The following CCDC91 variants were observed in gnomAD, a reference collection of about 807,000 sequenced individuals.
CCDC91 encodes coiled-coil domain-containing protein 91.
In CCDC91, 48 loss-of-function variants were observed where a neutral mutation model predicts 63.2. The ratio of observed to expected loss-of-function variants is 0.76; its 90% CI spans 0.60 to 0.97. The LOEUF is 0.97. Among genes scored for constraint, CCDC91 ranks in the 50% least tolerant of loss-of-function variants. CCDC91 has a pLI of 0.00. For synonymous variants in CCDC91, 167 were observed against 165.8 expected, an observed-to-expected ratio of 1.01 and a Z score of -0.06; for missense variants, 500 against 494.6, an observed-to-expected ratio of 1.01 and a Z score of -0.10.
chr12:28,349,313 A>G (rs937444069), intron 6 of CCDC91, among the ~76,000 whole-genome samples: 9 of 152,092 alleles, frequency 5.9e-5, no homozygotes, highest in Non-Finnish European at 1.5e-5. Context: ...TTATTTAGGA[A>G]TAGGGCGCAA....
intron 3 of CCDC91, chr12:28,304,533 TATAAG>T (rs1417799531): frequency 7.2e-6 from 3 of 415,916 alleles, no homozygotes; most frequent in Non-Finnish European, 1.2e-5. Flanking sequence ...TAAAAGTGTG[TATAAG>T]ATAATTGAAT....
intron 1 of CCDC91, among the ~76,000 whole-genome samples, chr12:28,249,805 G>T (rs528604442): frequency 1.1e-4 from 17 of 151,660 alleles, no homozygotes; most frequent in Non-Finnish European, 1.9e-4. Context: ...ACAGGCCTGT[G>T]CTCTCTTTTA....
chr12:28,396,088 T>C (rs2139396384), intron 8 of CCDC91, among the ~76,000 whole-genome samples: 1 of 152,262 alleles, frequency 6.6e-6, no homozygotes, highest in South Asian at 2.1e-4. Flanking sequence ...CAAAACTACA[T>C]TCAAGGGCAT....
At chr12:28,328,263 C>T (rs1424838021) in intron 6 of CCDC91, among the ~76,000 whole-genome samples, 5 of 152,018 alleles carry the variant, frequency 3.3e-5, no homozygotes, top group Admixed American at 3.3e-4. Context: ...TTTCTGTGTG[C>T]TAAACATATT....
intron 1 of CCDC91, among the ~76,000 whole-genome samples, chr12:28,248,187 T>C (rs1448490351): frequency 6.6e-6 from 1 of 152,168 alleles, no homozygotes; most frequent in Non-Finnish European, 1.5e-5. Flanking sequence ...ATAGAGGTAG[T>C]GGCAATCACT....
chr12:28,259,265 T>C (rs1233281747), intron 2 of CCDC91, 99 bp from the exon 3 acceptor site: 2 of 810,176 alleles, frequency 2.5e-6, no homozygotes, highest in East Asian at 5.0e-5. Flanking sequence ...ATGTCTGGTG[T>C]GTTATAGAAG....
chr12:28,213,196 A>C (rs1943351561), intron 1 of CCDC91, among the ~76,000 whole-genome samples: 1 of 152,134 alleles, frequency 6.6e-6, no homozygotes, highest in Non-Finnish European at 1.5e-5. Context: ...TGCATTGCCC[A>C]AGCAAACTGT....
intron 1 of CCDC91, among the ~76,000 whole-genome samples, chr12:28,245,506 G>T (rs1222204456): frequency 3.9e-5 from 6 of 152,040 alleles, no homozygotes; most frequent in Admixed American, 2.0e-4. Context: ...AATAGATTAA[G>T]AATTTCTGTT....
chr12:28,392,828 T>C (rs1437959042), intron 8 of CCDC91, among the ~76,000 whole-genome samples: 1 of 152,228 alleles, frequency 6.6e-6, no homozygotes, highest in Middle Eastern at 3.2e-3. Context: ...CTCTCCATTA[T>C]CAGGTCCAGA....
Position 28,391,334 on chromosome 12 carries a change from G to T in CCDC91, c.685G>T (p.Val229Leu), listed in dbSNP as rs771850000. 1.9e-6 allele frequency: 3 copies of T among 1,612,780 alleles called. No individual in the cohort carries two copies. The South Asian group carries it at 3.3e-5, about 18-fold the overall frequency. Residue 229 changes from valine to leucine, a missense_variant, in exon 8 of 13, where the codon GTA becomes TTA. Transcript: ENST00000536442. ...ACTGCAGTCTTCAGTTAAGCAACAA[G>T]TAGAAGCTATTGAAAAACAGTACAT... ...ALLQSSVKQQVEAIEKQYISA... is the reference protein window; with the variant it reads ...ALLQSSVKQQLEAIEKQYISA...
chr12:28,404,188 G>T (rs995624552), intron 8 of CCDC91, among the ~76,000 whole-genome samples: 1 of 151,900 alleles, frequency 6.6e-6, no homozygotes, highest in Admixed American at 6.6e-5. Flanking sequence ...CTCTTTCGGT[G>T]TGTCTATAAA....
At chr12:28,209,656 C>T (rs1321098429) in intron 1 of CCDC91, among the ~76,000 whole-genome samples, 3 of 152,258 alleles carry the variant, frequency 2.0e-5, no homozygotes, top group Admixed American at 1.3e-4. Flanking sequence ...GTCTTGATCT[C>T]CTGACCTCAA....
intron 1 of CCDC91, among the ~76,000 whole-genome samples, chr12:28,217,890 CCGTGG>C (rs1426454023): frequency 2.0e-5 from 3 of 152,112 alleles, no homozygotes; most frequent in African/African-American, 7.2e-5. Context: ...CTTTCACTAT[CCGTGG>C]CAGCCTGGTT....
intron 7 of CCDC91, among the ~76,000 whole-genome samples, chr12:28,387,788 A>T (rs1258912933): frequency 6.6e-6 from 1 of 152,094 alleles, no homozygotes; most frequent in Admixed American, 6.6e-5. Flanking sequence ...CCACTCGTTG[A>T]TTGATGGGCA....
At chr12:28,204,781 G>A (rs1193440594) in intron 1 of CCDC91, among the ~76,000 whole-genome samples, 1 of 152,068 alleles carries the variant, frequency 6.6e-6, no homozygotes, top group African/African-American at 2.4e-5. Flanking sequence ...TGAAGAGAGT[G>A]GGTTTCTAGA....
chr12:28,313,672 A>G (rs1041506648), intron 6 of CCDC91, among the ~76,000 whole-genome samples: 25 of 152,092 alleles, frequency 1.6e-4, no homozygotes, highest in African/African-American at 5.8e-4. Context: ...TGAATGTGCC[A>G]TAACAAAAGG....
intron 6 of CCDC91, among the ~76,000 whole-genome samples, chr12:28,336,276 A>C (rs1399270030): frequency 4.6e-5 from 7 of 152,172 alleles, no homozygotes; most frequent in Admixed American, 4.6e-4. Flanking sequence ...ATTGATGGCA[A>C]GGAAGGAAGA....
chr12:28,305,141 A>G (rs1489363899), intron 3 of CCDC91, among the ~76,000 whole-genome samples: 1 of 152,124 alleles, frequency 6.6e-6, no homozygotes, highest in Non-Finnish European at 1.5e-5. Flanking sequence ...ATTTTATTGT[A>G]ATAAATATTA....
At chr12:28,495,964 G>C (rs1329074044) in intron 12 of CCDC91, among the ~76,000 whole-genome samples, 2 of 151,482 alleles carry the variant, frequency 1.3e-5, no homozygotes, top group African/African-American at 4.8e-5. Context: ...TACAGCCATC[G>C]ACCCTTACAG....
Sources: gnomAD v4.1 joint callset for allele counts (sites outside exome capture counted in the v4.1 genomes callset) on GRCh38, gnomAD v4.1.1 for gene constraint, MANE v1.5 for transcripts, NCBI Gene and HGNC (gene_info 2026-07-23, HGNC 2026-07-21) for gene names.